The following SLIT3 variants were observed in gnomAD, a reference collection of about 807,000 sequenced individuals.
The protein encoded by SLIT3 is slit homolog 3 protein.
SLIT3 carries 68 observed loss-of-function variants against 184.0 expected under a neutral mutation model. The observed-to-expected ratio is 0.37, with a 90% CI of 0.30 to 0.45. The LOEUF is 0.45. SLIT3 is among the 20% of genes least tolerant of loss of function. The pLI is 1.00. For missense variants in SLIT3, 1,707 were observed against 2,026.0 expected, an observed-to-expected ratio of 0.84 and a Z score of 3.02; for synonymous variants, 831 against 828.6, an observed-to-expected ratio of 1.00 and a Z score of -0.05.
intron 4 of SLIT3, among the ~76,000 whole-genome samples, chr5:169,130,847 C>A (rs553413181): frequency 6.6e-6 from 1 of 152,126 alleles, no homozygotes; most frequent in African/African-American, 2.4e-5. Context: ...AGGAGCTCAA[C>A]ATAATGTTGA....
intron 27 of SLIT3, among the ~76,000 whole-genome samples, chr5:168,699,918 G>T (rs1475991852): frequency 1.3e-5 from 2 of 152,188 alleles, no homozygotes; most frequent in Non-Finnish European, 2.9e-5. Context: ...ATCCTTCTCT[G>T]ACTTTAGCCA....
chr5:169,283,597 T>G (rs1377572635), intron 1 of SLIT3, among the ~76,000 whole-genome samples: 2 of 152,122 alleles, frequency 1.3e-5, no homozygotes, highest in African/African-American at 4.8e-5. Flanking sequence ...AAAGAGTGAA[T>G]GGGTCTTAGG....
chr5:168,997,131 G>A (rs1378520181), intron 4 of SLIT3, among the ~76,000 whole-genome samples: 11 of 152,050 alleles, frequency 7.2e-5, no homozygotes, highest in African/African-American at 2.2e-4. Flanking sequence ...GGACTGTGAC[G>A]CATCGCGTGC....
intron 3 of SLIT3, among the ~76,000 whole-genome samples, chr5:169,193,894 G>A (rs1763653094): frequency 6.6e-6 from 1 of 152,104 alleles, no homozygotes; most frequent in Admixed American, 6.6e-5. Flanking sequence ...TGAGCTTCGT[G>A]TAGCTATTAC....
At chr5:168,667,551 C>T (rs1761095887) in intron 35 of SLIT3, 1 of 152,196 alleles carries the variant, frequency 6.6e-6, no homozygotes, top group African/African-American at 2.4e-5. Flanking sequence ...CACTCTGGAC[C>T]CTGACCCAGC....
At chr5:168,836,051 T>C (rs1409321486) in intron 6 of SLIT3, among the ~76,000 whole-genome samples, 5 of 152,200 alleles carry the variant, frequency 3.3e-5, no homozygotes, top group Non-Finnish European at 1.5e-5. Context: ...TGTGTCTCCA[T>C]CACCTTCTCC....
chr5:169,145,650 C>T (rs1761900468), intron 4 of SLIT3, among the ~76,000 whole-genome samples: 2 of 152,216 alleles, frequency 1.3e-5, no homozygotes, highest in Admixed American at 6.5e-5. Context: ...ACTGCATACT[C>T]ATACATGCAG....
chr5:169,114,467 A>G (rs1434873032), intron 4 of SLIT3, among the ~76,000 whole-genome samples: 1 of 152,216 alleles, frequency 6.6e-6, no homozygotes, highest in African/African-American at 2.4e-5. Context: ...TGTCTCTCGC[A>G]GACTTAGGAA....
intron 4 of SLIT3, among the ~76,000 whole-genome samples, chr5:169,085,455 G>T (rs1759254382): frequency 6.6e-6 from 1 of 152,168 alleles, no homozygotes; most frequent in Non-Finnish European, 1.5e-5. Context: ...AGCAGCAAAG[G>T]GGCGTGGGAG....
At chr5:169,149,104 A>C (rs1282728412) in intron 4 of SLIT3, among the ~76,000 whole-genome samples, 1 of 152,214 alleles carries the variant, frequency 6.6e-6, no homozygotes, top group Non-Finnish European at 1.5e-5. Context: ...CCTTAACTCT[A>C]AATTCCATGG....
chr5:168,807,294 G>A (rs904173839), intron 8 of SLIT3, among the ~76,000 whole-genome samples: 6 of 152,204 alleles, frequency 3.9e-5, no homozygotes, highest in Non-Finnish European at 7.3e-5. Context: ...AAAGCCAAAT[G>A]TAGATAGACA....
intron 4 of SLIT3, among the ~76,000 whole-genome samples, chr5:169,058,389 G>C (rs1482213678): frequency 6.6e-6 from 1 of 152,192 alleles, no homozygotes; most frequent in Non-Finnish European, 1.5e-5. Context: ...CCATTGGAAA[G>C]GCTTAGTTAG....
chr5:169,127,203 G>GA (rs1761114192), intron 4 of SLIT3, among the ~76,000 whole-genome samples: 3 of 152,190 alleles, frequency 2.0e-5, no homozygotes, highest in African/African-American at 7.2e-5. Context: ...AGGACAATCA[G>GA]AAAAGTCGAG....
chr5:168,844,675 A>C lies in SLIT3; in HGVS notation c.486-20T>G, dbSNP rs751101162. The C allele has an allele frequency of 3.1e-6, 5 of 1,613,564 alleles. No homozygotes were observed. The highest frequency in any genetic ancestry group is 4.2e-6 in the Non-Finnish European group (5 of 1,179,604). ...AGTTGCCTGTGGAAAAGCAGGGGAG[A>C]GCATGAAGGCTGAGCGGGGGCAGCG... On this transcript the variant is annotated intron_variant, in intron 5 of 35. Transcript: ENST00000519560.
chr5:169,208,860 A>T (rs950396193), intron 3 of SLIT3, among the ~76,000 whole-genome samples: 2 of 152,234 alleles, frequency 1.3e-5, no homozygotes, highest in Non-Finnish European at 2.9e-5. Context: ...CCCTACAAGA[A>T]AACCTAGGCA....
intron 20 of SLIT3, among the ~76,000 whole-genome samples, chr5:168,725,259 T>G (rs1763071561): frequency 6.6e-6 from 1 of 152,200 alleles, no homozygotes; most frequent in African/African-American, 2.4e-5. Context: ...TCACCTAGGA[T>G]GAGGCCGCCT....
intron 11 of SLIT3, among the ~76,000 whole-genome samples, chr5:168,789,268 T>C (rs902953574): frequency 1.4e-3 from 1 of 694 alleles, no homozygotes; most frequent in Non-Finnish European, 3.6e-3. Context: ...GAGGGGGACG[T>C]GGGGTGGGAG....
chr5:169,075,293 G>A (rs1016870051), intron 4 of SLIT3, among the ~76,000 whole-genome samples: 14 of 152,162 alleles, frequency 9.2e-5, no homozygotes, highest in African/African-American at 2.7e-4. Flanking sequence ...GAGGGGATCT[G>A]TTGATGCCAG....
intron 4 of SLIT3, among the ~76,000 whole-genome samples, chr5:169,056,049 G>A (rs562391470): frequency 2.6e-5 from 4 of 152,228 alleles, no homozygotes; most frequent in South Asian, 4.2e-4. Context: ...GATTATAGAG[G>A]GGCAGAGTGG....
Sources: gnomAD v4.1 joint callset for allele counts (sites outside exome capture counted in the v4.1 genomes callset) on GRCh38, gnomAD v4.1.1 for gene constraint, MANE v1.5 for transcripts, NCBI Gene and HGNC (gene_info 2026-07-23, HGNC 2026-07-21) for gene names.